Variants in NCOA6 observed in about 807,000 individuals in gnomAD.
NCOA6 encodes the protein nuclear receptor coactivator 6, also known as NRC RAP250.
NCOA6 carries 49 observed loss-of-function variants against 171.4 expected under a neutral mutation model. That is an observed-to-expected ratio of 0.29 (90% CI 0.23 to 0.36). The LOEUF (loss-of-function observed/expected upper bound fraction) is 0.36. NCOA6 is among the 10% of genes least tolerant of loss of function. NCOA6 has a pLI of 1.00. For synonymous variants in NCOA6, 910 were observed against 927.5 expected, an observed-to-expected ratio of 0.98 and a Z score of 0.34; for missense variants, 2,248 against 2,554.5, an observed-to-expected ratio of 0.88 and a Z score of 2.59.
chr20:34,725,458 G>A (rs1254325388), intron 14 of NCOA6, among the ~76,000 whole-genome samples: 1 of 152,202 alleles, frequency 6.6e-6, no homozygotes, highest in African/African-American at 2.4e-5. Flanking sequence ...TGCAACATAT[G>A]CACAGGCTTG....
chr20:34,790,734 C>T (rs2077851446), intron 2 of NCOA6, among the ~76,000 whole-genome samples: 1 of 152,060 alleles, frequency 6.6e-6, no homozygotes, highest in Non-Finnish European at 1.5e-5. Flanking sequence ...ACTGCAACCT[C>T]TGCCTCCCAG....
intron 1 of NCOA6, among the ~76,000 whole-genome samples, chr20:34,804,488 C>T (rs2078375926): frequency 7.5e-6 from 1 of 134,134 alleles, no homozygotes; most frequent in African/African-American, 2.9e-5. Flanking sequence ...GCATGGGTAA[C>T]AGAGTGAGAC....
At chr20:34,801,048 A>G (rs1296820636) in intron 1 of NCOA6, among the ~76,000 whole-genome samples, 4 of 152,194 alleles carry the variant, frequency 2.6e-5, no homozygotes, top group Non-Finnish European at 5.9e-5. Flanking sequence ...ATCAATAACA[A>G]GTGAAATTTT....
Position 34,743,299 on chromosome 20 carries a change from ATCTGC to A in NCOA6, c.2952_2956del (p.Gln984HisfsTer62). 1 of 1,613,136 alleles carries A rather than the reference ATCTGC, an allele frequency of 6.2e-7. No individual in the cohort carries two copies. Among genetic ancestry groups the A allele is most frequent in the Non-Finnish European group, 8.5e-7 (1 of 1,179,368 alleles). Reference sequence around the variant, plus strand: ...CACATGCTGCATGAGTTGAGGAGGCATCTGCTGAAGTGGCCTCTGTTCAACTGGTT... The same window carrying A: ...CACATGCTGCATGAGTTGAGGAGGCATGAAGTGGCCTCTGTTCAACTGGTT... On this transcript the variant is annotated frameshift_variant, in exon 11 of 15. Coordinates refer to ENST00000359003, the MANE Select transcript of NCOA6 (RefSeq NM_014071.5). LOFTEE classifies it high-confidence loss of function.
intron 14 of NCOA6, among the ~76,000 whole-genome samples, chr20:34,726,320 A>G (rs1328969529): frequency 2.0e-5 from 3 of 152,182 alleles, no homozygotes; most frequent in Non-Finnish European, 4.4e-5. Flanking sequence ...TGGGAAGCTG[A>G]GGGAATTCTA....
At chr20:34,824,956 C>A (rs1482810182) in intron 1 of NCOA6, among the ~76,000 whole-genome samples, 1 of 152,136 alleles carries the variant, frequency 6.6e-6, no homozygotes, top group Non-Finnish European at 1.5e-5. Flanking sequence ...ATGCCTCCAC[C>A]CCAATCCCCA....
chr20:34,773,266 G>C (rs1235939315), intron 4 of NCOA6, among the ~76,000 whole-genome samples: 1 of 152,084 alleles, frequency 6.6e-6, no homozygotes, highest in Admixed American at 6.6e-5. Context: ...CTACTCTTTA[G>C]ATCACCATGA....
intron 1 of NCOA6, among the ~76,000 whole-genome samples, chr20:34,802,384 G>A (rs577658291): frequency 2.0e-5 from 3 of 152,272 alleles, no homozygotes; most frequent in Admixed American, 6.5e-5. Context: ...GTCGGATCAC[G>A]AGGTTAGGAG....
At chr20:34,822,679 G>A (rs1166283036) in intron 1 of NCOA6, among the ~76,000 whole-genome samples, 2 of 152,194 alleles carry the variant, frequency 1.3e-5, no homozygotes, top group Non-Finnish European at 2.9e-5. Context: ...TATAATGCTT[G>A]ATATGCAGTA....
At position 34,792,922 on chromosome 20, in the gene NCOA6, C is replaced by T. The variant is rs568001760; in HGVS notation, c.-163-359G>A. On this transcript the variant is annotated intron_variant, in intron 1 of 14. Coordinates refer to ENST00000359003, the MANE Select transcript of NCOA6 (RefSeq NM_014071.5). ...GCTCCCAAGTAGCTGGGACCACAGG[C>T]GCATGCCACCACATCTGGATAATTT... Among the ~76,000 whole-genome samples the T allele has an allele frequency of 4.6e-3, 693 of 151,900 alleles. 3 individuals are homozygous for T. Among genetic ancestry groups the T allele is most frequent in the Admixed American group, 9.0e-3 (137 of 15,240 alleles).
In NCOA6 at chr20:34,761,630, T is replaced by C. The variant is rs190344285; in HGVS notation, c.515-2697A>G. On this transcript the variant is annotated intron_variant, in intron 5 of 14. Coordinates refer to ENST00000359003, the MANE Select transcript of NCOA6 (RefSeq NM_014071.5). ...CATTTATGCTTGGAAATATTAAGAA[T>C]TCTTGAATTATGACTGCATGGTTTT... 6.6e-4 allele frequency among the ~76,000 whole-genome samples: 101 copies of C among 152,262 alleles called. 1 individual carries two copies. The highest frequency in any genetic ancestry group is 2.3e-3 in the African/African-American group (95 of 41,564).
rs372231766 is a variant in NCOA6, at chr20:34,757,767, T to C, written c.981A>G (p.Gln327=). The C allele has an allele frequency of 6.2e-7, 1 of 1,613,706 alleles. No individual in the cohort carries two copies. The highest frequency in any genetic ancestry group is 8.5e-7 in the Non-Finnish European group (1 of 1,179,956). Residue 327 remains glutamine (Q), a synonymous_variant, in exon 7 of 15, where the codon CAA becomes CAG. Transcript: ENST00000359003. ...CCAGAGAACCCTGGGCTGGAGGAGG[T>C]TGAAGGGCTCCAGAAGGCAGCTGGT... The part of the protein sequence containing the change: ...GWNQLPSGAL[Q]PPPAQGSLGT...
chr20:34,743,795 T>C (rs754709292), intron 10 of NCOA6, among the ~76,000 whole-genome samples: 1 of 152,258 alleles, frequency 6.6e-6, no homozygotes, highest in Non-Finnish European at 1.5e-5. Context: ...CTTCTTCTGT[T>C]AGCACAGGAA....
chr20:34,749,279 T>C (rs932036266), intron 9 of NCOA6, 124 bp downstream of exon 9: 31 of 1,187,392 alleles, frequency 2.6e-5, no homozygotes, highest in Middle Eastern at 6.0e-4. Context: ...GAGTTGATAA[T>C]TATTGAAGCA....
intron 1 of NCOA6, among the ~76,000 whole-genome samples, chr20:34,796,122 A>AC (rs1402266536): frequency 7.0e-6 from 1 of 143,266 alleles, no homozygotes; most frequent in Non-Finnish European, 1.5e-5. Context: ...GTAACCTCCC[A>AC]CCTCAGCCCC....
chr20:34,796,407 C>T lies in NCOA6; in HGVS notation c.-163-3844G>A, dbSNP rs6060053. 4.8e-3 allele frequency among the ~76,000 whole-genome samples: 730 copies of T among 151,970 alleles called. 17 individuals are homozygous for T. The highest frequency in any genetic ancestry group is 0.016 in the African/African-American group (681 of 41,506). On this transcript the variant is annotated intron_variant, in intron 1 of 14. Coordinates refer to ENST00000359003, the MANE Select transcript of NCOA6 (RefSeq NM_014071.5). ...TGCTGAGGAGGGCAGATTGCTTGAG[C>T]CCAGGAGTTTGAGATCAGCCTGGGC...
chr20:34,775,346 G>A (rs778044235), intron 4 of NCOA6, among the ~76,000 whole-genome samples: 2 of 151,860 alleles, frequency 1.3e-5, no homozygotes, highest in Non-Finnish European at 2.9e-5. Context: ...GTGCGTGCAC[G>A]TGCTCATCAA....
chr20:34,792,296 CAGA>C (rs1165703636), intron 2 of NCOA6, among the ~76,000 whole-genome samples, 151 bp downstream of exon 2: 3 of 149,426 alleles, frequency 2.0e-5, no homozygotes, highest in Non-Finnish European at 3.0e-5. Flanking sequence ...CATTTAAAAA[CAGA>C]AGAATAGCAT....
intron 1 of NCOA6, among the ~76,000 whole-genome samples, chr20:34,816,446 T>C (rs963427867): frequency 6.6e-6 from 1 of 151,968 alleles, no homozygotes; most frequent in Non-Finnish European, 1.5e-5. Context: ...GAAAACGCCA[T>C]GTGACAACAG....
Sources: allele counts gnomAD v4.1 joint callset (sites outside exome capture counted in the v4.1 genomes callset), GRCh38; gene constraint gnomAD v4.1.1; transcripts MANE v1.5; gene names NCBI Gene and HGNC (gene_info 2026-07-23, HGNC 2026-07-21).